The following SPRR2G variants were observed in gnomAD, a reference collection of about 807,000 sequenced individuals.
The protein encoded by SPRR2G is small proline-rich protein 2G.
Under a neutral mutation model 0.7 loss-of-function variants are expected in SPRR2G, and 1 was observed. The ratio of observed to expected loss-of-function variants is 1.49; its 90% CI spans 0.53 to 7.06. The LOEUF (loss-of-function observed/expected upper bound fraction) is 7.06. SPRR2G is among the 30% of genes most tolerant of loss of function. The pLI is 0.14. For missense variants in SPRR2G, 96 were observed against 88.5 expected (o/e 1.09, Z -0.34); for synonymous variants, 38 against 33.9 (o/e 1.12, Z -0.42).
chr1:153,194,701 G>C, the SPRR2G span, among the ~76,000 whole-genome samples: 1 of 152,120 alleles, frequency 6.6e-6, no homozygotes, highest in African/African-American at 2.4e-5. Context: ...CTGAATCATT[G>C]CAATGTGAGA....
At chr1:153,152,679 A>C (rs1295998338), upstream of SPRR2G, among the ~76,000 whole-genome samples, 2 of 152,280 alleles carry the variant, frequency 1.3e-5, no homozygotes, top group East Asian at 3.9e-4. Context: ...AGGAACAGGG[A>C]TGCTCCTGGG....
the SPRR2G span, among the ~76,000 whole-genome samples, chr1:153,202,266 A>C: frequency 6.6e-6 from 1 of 152,190 alleles, no homozygotes; most frequent in Non-Finnish European, 1.5e-5. Flanking sequence ...TAGCATGAAG[A>C]GATAACTTCC....
chr1:153,183,731 C>T, the SPRR2G span, among the ~76,000 whole-genome samples: 1 of 152,126 alleles, frequency 6.6e-6, no homozygotes, highest in Non-Finnish European at 1.5e-5. Flanking sequence ...TAATTAGATC[C>T]AATTTGCCAA....
chr1:153,196,831 C>G, the SPRR2G span, among the ~76,000 whole-genome samples: 1 of 152,344 alleles, frequency 6.6e-6, no homozygotes, highest in South Asian at 2.1e-4. Flanking sequence ...TTCATCTCTG[C>G]TCTCTCCATT....
the SPRR2G span, among the ~76,000 whole-genome samples, chr1:153,165,267 GAACT>G: frequency 6.6e-6 from 1 of 151,992 alleles, no homozygotes; most frequent in Non-Finnish European, 1.5e-5. Context: ...GATAGATATT[GAACT>G]AATACAATAA....
At chr1:153,199,129 A>G in the SPRR2G span, among the ~76,000 whole-genome samples, 1 of 152,242 alleles carries the variant, frequency 6.6e-6, no homozygotes, top group Non-Finnish European at 1.5e-5. Context: ...AAATACACAA[A>G]TATCAAGAAA....
the SPRR2G span, among the ~76,000 whole-genome samples, chr1:153,173,290 T>A: frequency 6.6e-6 from 1 of 152,178 alleles, no homozygotes; most frequent in South Asian, 2.1e-4. Context: ...CTTGTGATAT[T>A]CGATTACTCC....
the SPRR2G span, among the ~76,000 whole-genome samples, chr1:153,174,012 T>C: frequency 6.6e-6 from 1 of 152,202 alleles, no homozygotes. Flanking sequence ...GGCTCAGAAA[T>C]TCATCTATGA....
chr1:153,199,112 T>A, the SPRR2G span, among the ~76,000 whole-genome samples: 76 of 152,280 alleles, frequency 5.0e-4, 1 homozygote, highest in Admixed American at 9.2e-4. Flanking sequence ...ATATAATGAA[T>A]GAGCAAAAAT....
chr1:153,197,828 C>T, the SPRR2G span, among the ~76,000 whole-genome samples: 1 of 152,088 alleles, frequency 6.6e-6, no homozygotes, highest in Non-Finnish European at 1.5e-5. Flanking sequence ...GGGGATACTC[C>T]AGTTAGAGAG....
At chr1:153,189,432 T>A in the SPRR2G span, among the ~76,000 whole-genome samples, 1 of 151,972 alleles carries the variant, frequency 6.6e-6, no homozygotes, top group African/African-American at 2.4e-5. Flanking sequence ...CCAAATAAAA[T>A]ATACTTATAT....
At chr1:153,202,166 G>C in the SPRR2G span, among the ~76,000 whole-genome samples, 40 of 152,328 alleles carry the variant, frequency 2.6e-4, no homozygotes, top group African/African-American at 9.1e-4. Context: ...ACTGGAGTCT[G>C]CACAGAAAAA....
the SPRR2G span, among the ~76,000 whole-genome samples, chr1:153,179,017 A>G: frequency 6.6e-6 from 1 of 152,194 alleles, no homozygotes; most frequent in South Asian, 2.1e-4. Context: ...AATGTACTTC[A>G]GAGATTTACT....
chr1:153,179,310 T>C, the SPRR2G span, among the ~76,000 whole-genome samples: 1 of 152,274 alleles, frequency 6.6e-6, no homozygotes, highest in East Asian at 1.9e-4. Flanking sequence ...TTTGATTGAG[T>C]AACTAGGGAC....
At chr1:153,185,603 C>A in the SPRR2G span, among the ~76,000 whole-genome samples, 2 of 152,138 alleles carry the variant, frequency 1.3e-5, no homozygotes, top group South Asian at 4.2e-4. Context: ...TGATTCTTCT[C>A]TCTTTTCTTC....
At chr1:153,202,861 G>A in the SPRR2G span, among the ~76,000 whole-genome samples, 1,064 of 151,998 alleles carry the variant, frequency 7.0e-3, 21 homozygotes, top group African/African-American at 0.024. Flanking sequence ...GCCTCCCATC[G>A]CCACTCCTAA....
the SPRR2G span, among the ~76,000 whole-genome samples, chr1:153,161,991 G>GTT: frequency 1.5e-3 from 233 of 151,978 alleles, no homozygotes; most frequent in South Asian, 9.8e-3. Flanking sequence ...TGGTGGTGGT[G>GTT]GTTGTTGTTG....
At chr1:153,200,336 A>G in the SPRR2G span, among the ~76,000 whole-genome samples, 1 of 152,216 alleles carries the variant, frequency 6.6e-6, no homozygotes, top group East Asian at 1.9e-4. Context: ...GGCCAACACC[A>G]GAAAATGAGA....
At chr1:153,183,098 C>A in the SPRR2G span, among the ~76,000 whole-genome samples, 1 of 147,866 alleles carries the variant, frequency 6.8e-6, no homozygotes, top group Admixed American at 6.7e-5. Context: ...GACAGAGTTT[C>A]ACTCTTGTTG....
Sources: allele counts gnomAD v4.1 joint callset (sites outside exome capture counted in the v4.1 genomes callset), GRCh38; gene constraint gnomAD v4.1.1; transcripts MANE v1.5; gene names NCBI Gene and HGNC (gene_info 2026-07-23, HGNC 2026-07-21).